The following SREBF2 variants were observed in gnomAD, a reference collection of about 807,000 sequenced individuals.
SREBF2 encodes sterol regulatory element binding transcription factor 2.
In SREBF2, 55 loss-of-function variants were observed where a neutral mutation model predicts 113.1. That is an observed-to-expected ratio of 0.49 (90% CI 0.39 to 0.61). The LOEUF (loss-of-function observed/expected upper bound fraction) is 0.61. SREBF2 is among the 20% of genes least tolerant of loss of function. The probability of loss-of-function intolerance (pLI) is 0.00; values close to 1 mark genes in which losing one functional copy is unlikely to be tolerated. For missense variants in SREBF2, 1,349 were observed against 1,487.4 expected (o/e 0.91, Z 1.53); for synonymous variants, 593 against 605.7 (o/e 0.98, Z 0.31).
At chr22:41,864,692 A>G (rs1406030412) in intron 1 of SREBF2, among the ~76,000 whole-genome samples, 1 of 151,774 alleles carries the variant, frequency 6.6e-6, no homozygotes, top group Non-Finnish European at 1.5e-5. Flanking sequence ...GCCCTGGCTC[A>G]TGCCTGTAGT....
At position 41,906,823 on chromosome 22, in the gene SREBF2, A is replaced by C. The variant is rs1358712522; in HGVS notation, c.*1163A>C. The C allele has an allele frequency of 6.6e-6, 1 of 152,176 alleles. No homozygotes were observed. The highest frequency in any genetic ancestry group is 1.5e-5 in the Non-Finnish European group (1 of 68,022). The allele number at this position is 152,176 out of a possible 1,614,324, so 9.4% of individuals were successfully genotyped here. A position where few individuals can be genotyped will look rare whatever the true frequency, so the allele number is the denominator to read the frequency against. Reference sequence around the variant, plus strand: ...GGGCAGAGGGTTGCCTATGGTGGGCACTAGGAATGAGGTCCCCTGCCTCGA... The same window carrying C: ...GGGCAGAGGGTTGCCTATGGTGGGCCCTAGGAATGAGGTCCCCTGCCTCGA... On this transcript the variant is annotated 3_prime_UTR_variant, in exon 19 of 19. Coordinates refer to ENST00000361204, the MANE Select transcript of SREBF2 (RefSeq NM_004599.4).
At position 41,905,801 on chromosome 22, in the gene SREBF2, C is replaced by A; in HGVS notation, c.*141C>A. 1.1e-6 allele frequency: 1 copy of A among 939,136 alleles called. No homozygotes were observed. Among genetic ancestry groups the A allele is most frequent in the Non-Finnish European group, 1.7e-6 (1 of 592,108 alleles). 58.2% of individuals were successfully genotyped at this position (939,136 alleles called of 1,614,324 possible). On this transcript the variant is annotated 3_prime_UTR_variant, in exon 19 of 19. Coordinates refer to ENST00000361204, the MANE Select transcript of SREBF2 (RefSeq NM_004599.4). Reference sequence around the variant, plus strand: ...GGCTTCTGGGCCACTCAGGCCAGTGCACCCCTGGGCAGAGCCCCTTAAAGC... The same window carrying A: ...GGCTTCTGGGCCACTCAGGCCAGTGAACCCCTGGGCAGAGCCCCTTAAAGC...
At chr22:41,835,309 A>ATTT (rs201960674) in intron 1 of SREBF2, among the ~76,000 whole-genome samples, 2 of 109,342 alleles carry the variant, frequency 1.8e-5, no homozygotes, top group African/African-American at 3.4e-5. Flanking sequence ...AGCCACCTAA[A>ATTT]TTTTTTTTTT....
rs544824099 is a variant in SREBF2 at position 41,852,728 on chromosome 22, A to ATTTTT, written c.89-14076_89-14072dup. On this transcript the variant is annotated intron_variant, in intron 1 of 18. Coordinates refer to ENST00000361204, the MANE Select transcript of SREBF2 (RefSeq NM_004599.4). ...CAGCCATTCTCATACTCTCAGAATGATTTTTTTTTTTTTTTTTTTTTTTTT... is the reference window on the plus strand; with the variant it reads ...CAGCCATTCTCATACTCTCAGAATGATTTTTTTTTTTTTTTTTTTTTTTTTTTTTT... Among the ~76,000 whole-genome samples the ATTTTT allele has an allele frequency of 8.9e-4, 36 of 40,402 alleles. 1 individual carries two copies. The highest frequency in any genetic ancestry group is 2.4e-3 in the Admixed American group (6 of 2,462). 26.5% of individuals were successfully genotyped at this position (40,402 alleles called of 152,430 possible). A position where few individuals can be genotyped will look rare whatever the true frequency, so the allele number is the denominator to read the frequency against.
intron 9 of SREBF2, chr22:41,878,889 C>G (rs2077221529): frequency 2.1e-6 from 1 of 478,756 alleles, no homozygotes; most frequent in East Asian, 7.1e-5. Context: ...TTTTGAGAGG[C>G]CTGTTCCTTG....
In SREBF2 at chr22:41,878,574, G is replaced by C. The variant is rs1047321175; in HGVS notation, c.1761+451G>C. 4.5e-6 allele frequency: 4 copies of C among 898,176 alleles called. No homozygotes were observed. The Admixed American group carries it at 7.1e-5, about 16-fold the overall frequency. The allele number at this position is 898,176 out of a possible 1,614,324, so 55.6% of individuals were successfully genotyped here. A position where few individuals can be genotyped will look rare whatever the true frequency, so the allele number is the denominator to read the frequency against. ...GAGGGCTTTCACTAGGAACTGATTT[G>C]GGGCTTTATTCCCAATTCTCTATAG... is the stretch of plus-strand genomic sequence containing the variant. On this transcript the variant is annotated intron_variant, in intron 9 of 18. Coordinates refer to ENST00000361204, the MANE Select transcript of SREBF2 (RefSeq NM_004599.4).
chr22:41,862,695 G>GT (rs1400842385), intron 1 of SREBF2, among the ~76,000 whole-genome samples: 2 of 152,116 alleles, frequency 1.3e-5, no homozygotes, highest in Non-Finnish European at 2.9e-5. Flanking sequence ...CTACACCCTG[G>GT]TTCTCCAGGC....
intron 15 of SREBF2, chr22:41,899,878 C>T (rs1005972741): frequency 2.2e-5 from 23 of 1,027,026 alleles, no homozygotes; most frequent in Non-Finnish European, 2.0e-5. Context: ...GAACCCTCCC[C>T]CATCCCTAGC....
Position 41,905,637 on chromosome 22 carries a change from G to A in SREBF2, c.3403G>A (p.Gly1135Ser), listed in dbSNP as rs1176915190. Reference protein sequence around the residue: ...CQQMIVKLGGGTAIAAS With the variant: ...CQQMIVKLGGSTAIAAS ...GCAGATGATTGTTAAGCTGGGTGGT[G>A]GCACTGCCATTGCCGCCTCCTGACC... The change falls in exon 19 of 19, where the codon GGC (glycine) becomes AGC (serine). Residue 1135 changes from glycine (G) to serine (S), a missense_variant. Physicochemically the swap from Gly to Ser is moderately conservative, Grantham distance 56. Transcript: ENST00000361204. 4.4e-6 allele frequency: 7 copies of A among 1,591,140 alleles called. No homozygotes were observed.
chr22:41,888,736 A>T (rs186994551), intron 11 of SREBF2, among the ~76,000 whole-genome samples: 1 of 152,210 alleles, frequency 6.6e-6, no homozygotes. Context: ...CCTCAGACCA[A>T]ATCTGTAGAG....
chr22:41,881,375 G>A (rs1372128227), intron 10 of SREBF2, among the ~76,000 whole-genome samples: 2 of 152,230 alleles, frequency 1.3e-5, no homozygotes, highest in African/African-American at 4.8e-5. Context: ...GCTATAATAG[G>A]CAGAGAGGTC....
chr22:41,889,842 A>G (rs1224051464), intron 11 of SREBF2, among the ~76,000 whole-genome samples: 1 of 152,038 alleles, frequency 6.6e-6, no homozygotes, highest in African/African-American at 2.4e-5. Flanking sequence ...GTCTACTAAA[A>G]ATACAAAAAT....
At chr22:41,855,452 G>T (rs550030581) in intron 1 of SREBF2, among the ~76,000 whole-genome samples, 1 of 152,222 alleles carries the variant, frequency 6.6e-6, no homozygotes, top group African/African-American at 2.4e-5. Context: ...AAACTGGGAA[G>T]TGGAGGTTGC....
intron 16 of SREBF2, among the ~76,000 whole-genome samples, chr22:41,901,855 G>C (rs539717237): frequency 5.9e-5 from 9 of 152,226 alleles, no homozygotes; most frequent in Non-Finnish European, 1.0e-4. Context: ...GGGGTTCCTT[G>C]GTAGCAGCTC....
chr22:41,897,026 C>G, intron 13 of SREBF2, 26 bp from the exon 14 acceptor site: 1 of 1,544,236 alleles, frequency 6.5e-7, no homozygotes, highest in Non-Finnish European at 8.9e-7. Context: ...TTTTGATGTA[C>G]ATGGGACCCT....
intron 1 of SREBF2, among the ~76,000 whole-genome samples, chr22:41,848,416 T>C (rs1602274505): frequency 6.6e-6 from 1 of 152,142 alleles, no homozygotes; most frequent in East Asian, 1.9e-4. Flanking sequence ...AGAGCAGTCA[T>C]TTAAAAATAA....
At position 41,864,259 on chromosome 22, in the gene SREBF2, TATACACAC is replaced by T. The variant is rs1294607565; in HGVS notation, c.89-2570_89-2563del. Among the ~76,000 whole-genome samples, 104 of 65,222 alleles carry T rather than the reference TATACACAC, an allele frequency of 1.6e-3. 1 individual carries two copies. Among genetic ancestry groups the T allele is most frequent in the African/African-American group, 5.5e-3 (99 of 18,130 alleles). The allele number at this position is 65,222 out of a possible 152,430, so 42.8% of individuals were successfully genotyped here. On this transcript the variant is annotated intron_variant, in intron 1 of 18. Transcript: ENST00000361204. ...ATATATATATATATATATATATATA[TATACACAC>T]ACACACACACACACACAAAATATCA...
In SREBF2 at chr22:41,905,535, C is replaced by G; in HGVS notation, c.3301C>G (p.Gln1101Glu). The G allele has an allele frequency of 6.3e-7, 1 of 1,588,734 alleles. No individual in the cohort carries two copies. Among genetic ancestry groups the G allele is most frequent in the Non-Finnish European group, 8.6e-7 (1 of 1,168,188 alleles). The change falls in exon 19 of 19, where the codon CAG becomes GAG. Residue 1101 changes from glutamine (Q) to glutamate (E), a missense_variant. Physicochemically the swap from Gln to Glu is conservative, Grantham distance 29 (BLOSUM62 2). Around this residue, in one of 2 missense-constraint regions of SREBF2, gnomAD observed 650 missense variants for 644.1 expected, o/e 1.01. Transcript: ENST00000361204. Reference protein sequence around the residue: ...LPLSFLSSPGQRAVLLAEAAR... With the variant: ...LPLSFLSSPGERAVLLAEAAR... ...CCTCTCCTTCCTCTCCTCCCCGGGC[C>G]AGCGGGCAGTGCTGCTGGCCGAAGC...
chr22:41,904,987 C>A lies in SREBF2; in HGVS notation c.3205+13C>A. The A allele has an allele frequency of 6.3e-7, 1 of 1,575,056 alleles. No homozygotes were observed. The highest frequency in any genetic ancestry group is 2.3e-5 in the East Asian group (1 of 43,698). Reference sequence around the variant, plus strand: ...AGCACCAAGCACGGTGAGTCCACCCCTCCCCAGCTCACAGGCTGGGCCAGG... The same window carrying A: ...AGCACCAAGCACGGTGAGTCCACCCATCCCCAGCTCACAGGCTGGGCCAGG... On this transcript the variant is annotated intron_variant, in intron 18 of 18. Transcript: ENST00000361204.
Sources: gnomAD v4.1 joint callset for allele counts (sites outside exome capture counted in the v4.1 genomes callset) on GRCh38, gnomAD v4.1.1 for gene constraint, gnomAD v4.1.1 regional missense constraint, MANE v1.5 for transcripts, NCBI Gene and HGNC (gene_info 2026-07-23, HGNC 2026-07-21) for gene names.